The following EPB41L5 variants were observed in gnomAD, a reference collection of about 807,000 sequenced individuals.
The protein encoded by EPB41L5 is erythrocyte membrane protein band 4.1 like 5, also known as band 4.1-like protein 5.
In EPB41L5, 55 loss-of-function variants were observed where a neutral mutation model predicts 106.6. The ratio of observed to expected loss-of-function variants is 0.52; its 90% confidence interval spans 0.42 to 0.65. The LOEUF (loss-of-function observed/expected upper bound fraction) is 0.65, where lower values mean the gene tolerates loss of function less well. Ranked by LOEUF, EPB41L5 falls within the 30% of genes least tolerant of loss-of-function variation. The probability of loss-of-function intolerance (pLI) is 0.00; values close to 1 mark genes in which losing one functional copy is unlikely to be tolerated. For synonymous variants in EPB41L5, 297 were observed against 306.7 expected, an observed-to-expected ratio of 0.97 and a Z score of 0.33; for missense variants, 871 against 882.1, an observed-to-expected ratio of 0.99 and a Z score of 0.16.
intron 16 of EPB41L5, among the ~76,000 whole-genome samples, chr2:120,122,834 T>C (rs1268416197): frequency 2.6e-5 from 4 of 152,256 alleles, no homozygotes; most frequent in African/African-American, 4.8e-5. Flanking sequence ...CAGTTGTTTG[T>C]GTCCTCTTTT....
chr2:120,145,563 G>C (rs1224471835), intron 19 of EPB41L5, among the ~76,000 whole-genome samples: 2 of 152,098 alleles, frequency 1.3e-5, no homozygotes, highest in African/African-American at 4.8e-5. Flanking sequence ...GCGGGGAGTG[G>C]GGGAGATAGT....
chr2:120,169,929 G>T (rs1173550821), intron 24 of EPB41L5, among the ~76,000 whole-genome samples: 1 of 152,170 alleles, frequency 6.6e-6, no homozygotes, highest in Non-Finnish European at 1.5e-5. Flanking sequence ...AAGATATGGG[G>T]CAACTGAAAC....
At chr2:120,033,922 C>G (rs1678881857) in intron 2 of EPB41L5, among the ~76,000 whole-genome samples, 1 of 151,274 alleles carries the variant, frequency 6.6e-6, no homozygotes, top group African/African-American at 2.4e-5. Context: ...TATGAGAACT[C>G]TGTCTCTACA....
chr2:120,053,639 G>A (rs769662136), intron 3 of EPB41L5, among the ~76,000 whole-genome samples: 40 of 152,184 alleles, frequency 2.6e-4, no homozygotes, highest in Non-Finnish European at 4.4e-4. Context: ...TGGTTCATCC[G>A]TGTTGTAGCA....
In EPB41L5 at chr2:120,075,697, T is replaced by G. The variant is rs375777120; in HGVS notation, c.453-4T>G. 1.9e-5 allele frequency: 30 copies of G among 1,612,814 alleles called. No homozygotes were observed. In the African/African-American group the frequency reaches 3.9e-4, roughly 21 times the overall value. On this transcript the variant is annotated splice_region_variant and splice_polypyrimidine_tract_variant and intron_variant, in intron 6 of 24. Transcript: ENST00000263713. ...TGTCTAACAAACTTGTGTTTTGGTCTCAGATTAGACTGTCCCTTTGATACA... is the reference window on the plus strand; with the variant it reads ...TGTCTAACAAACTTGTGTTTTGGTCGCAGATTAGACTGTCCCTTTGATACA...
chr2:120,043,263 A>G (rs1470330960), intron 3 of EPB41L5, among the ~76,000 whole-genome samples: 1 of 152,042 alleles, frequency 6.6e-6, no homozygotes, highest in African/African-American at 2.4e-5. Flanking sequence ...GTTTTGGGCC[A>G]TGCATGGTGG....
At chr2:120,066,579 C>A (rs1681456608) in intron 3 of EPB41L5, among the ~76,000 whole-genome samples, 1 of 152,170 alleles carries the variant, frequency 6.6e-6, no homozygotes, top group African/African-American at 2.4e-5. Flanking sequence ...GGTAAATCTA[C>A]ACACATCCAT....
chr2:120,139,987 A>G (rs1281395853), intron 18 of EPB41L5, among the ~76,000 whole-genome samples: 1 of 152,142 alleles, frequency 6.6e-6, no homozygotes, highest in Non-Finnish European at 1.5e-5. Context: ...ATTCGGCCAT[A>G]AAAAGAATGA....
chr2:120,096,606 G>T (rs1381148258), intron 14 of EPB41L5, among the ~76,000 whole-genome samples: 1 of 152,032 alleles, frequency 6.6e-6, no homozygotes, highest in African/African-American at 2.4e-5. Flanking sequence ...CCAGACCAAC[G>T]TGGCAAGACC....
chr2:120,145,882 G>C (rs1018335548), intron 19 of EPB41L5, among the ~76,000 whole-genome samples: 1 of 152,074 alleles, frequency 6.6e-6, no homozygotes, highest in Non-Finnish European at 1.5e-5. Flanking sequence ...GGAGGCAGAG[G>C]TTGCAGTGAG....
intron 10 of EPB41L5, among the ~76,000 whole-genome samples, chr2:120,082,739 CT>C (rs1234563830): frequency 1.3e-5 from 2 of 151,992 alleles, no homozygotes; most frequent in Non-Finnish European, 2.9e-5. Flanking sequence ...TGGTCCTGGA[CT>C]TTTTTTGGTT....
rs781728784 is a variant in EPB41L5, at chr2:120,143,145, G to T, written c.1728+14G>T. 4 of 1,564,710 alleles carry T rather than the reference G, an allele frequency of 2.6e-6. No individual in the cohort carries two copies. The highest frequency in any genetic ancestry group is 3.4e-6 in the Non-Finnish European group (4 of 1,160,584). ...GCAGTGCATAAGGTAAGCTGCCTTT[G>T]ATAGATAGCCCTGGTGAAGTGAAAT... On this transcript the variant is annotated intron_variant, in intron 19 of 24. Coordinates refer to ENST00000263713, the MANE Select transcript of EPB41L5 (RefSeq NM_020909.4).
intron 17 of EPB41L5, among the ~76,000 whole-genome samples, chr2:120,129,972 C>G (rs1685622577): frequency 6.6e-6 from 1 of 152,106 alleles, no homozygotes; most frequent in African/African-American, 2.4e-5. Context: ...ATGGCAAAAC[C>G]CAGTCTCTAC....
intron 3 of EPB41L5, among the ~76,000 whole-genome samples, chr2:120,042,587 A>C (rs961337299): frequency 5.9e-5 from 9 of 152,212 alleles, no homozygotes; most frequent in African/African-American, 2.2e-4. Context: ...TTCTGACAAG[A>C]GAACAGCATA....
chr2:120,047,340 G>A (rs931900300), intron 3 of EPB41L5, among the ~76,000 whole-genome samples: 3 of 152,186 alleles, frequency 2.0e-5, no homozygotes, highest in African/African-American at 7.2e-5. Flanking sequence ...ATTTTGTTGA[G>A]CAGTGGTTTG....
chr2:120,139,299 A>G (rs898772057), intron 18 of EPB41L5, among the ~76,000 whole-genome samples: 4 of 152,068 alleles, frequency 2.6e-5, no homozygotes, highest in Non-Finnish European at 4.4e-5. Context: ...CCAAAAGCAT[A>G]GGCAACCAAA....
At chr2:120,037,839 A>T (rs571547823) in intron 2 of EPB41L5, among the ~76,000 whole-genome samples, 1 of 152,376 alleles carries the variant, frequency 6.6e-6, no homozygotes, top group East Asian at 1.9e-4. Context: ...CTGGATACCC[A>T]CATGGAAAAG....
At chr2:120,174,102 A>C (rs968539875) in intron 24 of EPB41L5, among the ~76,000 whole-genome samples, 2 of 152,158 alleles carry the variant, frequency 1.3e-5, no homozygotes, top group African/African-American at 2.4e-5. Context: ...TCTTTTTCAC[A>C]CGGCTCTAAC....
chr2:120,167,795 T>C (rs561964172), intron 23 of EPB41L5, 82 bp from the exon 24 acceptor site: 1 of 1,515,358 alleles, frequency 6.6e-7, no homozygotes, highest in South Asian at 1.1e-5. Context: ...TCATAGTCAT[T>C]AGTGAAGCTT....
Sources: allele counts gnomAD v4.1 joint callset (sites outside exome capture counted in the v4.1 genomes callset), GRCh38; gene constraint gnomAD v4.1.1; transcripts MANE v1.5; gene names NCBI Gene and HGNC (gene_info 2026-07-23, HGNC 2026-07-21).